Variants in DBX2 observed in about 807,000 individuals in gnomAD.
The protein encoded by DBX2 is developing brain homeobox 2.
A neutral mutation model predicts 17.7 loss-of-function variants in DBX2; 16 were observed. That is an observed-to-expected ratio of 0.90 (90% CI 0.61 to 1.37). The LOEUF (loss-of-function observed/expected upper bound fraction) is 1.37, where lower values mean the gene tolerates loss of function less well. DBX2 is among the 40% of genes most tolerant of loss of function. The probability of loss-of-function intolerance (pLI) is 0.00; values close to 1 mark genes in which losing one functional copy is unlikely to be tolerated. For missense variants in DBX2, 538 were observed against 433.8 expected, an observed-to-expected ratio of 1.24 and a Z score of -2.13; for synonymous variants, 255 against 183.8, an observed-to-expected ratio of 1.39 and a Z score of -3.13.
intron 1 of DBX2, among the ~76,000 whole-genome samples, chr12:45,046,745 G>T (rs901139726): frequency 2.6e-5 from 4 of 152,144 alleles, no homozygotes; most frequent in Non-Finnish European, 4.4e-5. Flanking sequence ...AACAGTACTT[G>T]GGATTGGGAG....
chr12:45,048,120 GTA>G (rs1946509575), intron 1 of DBX2, among the ~76,000 whole-genome samples: 1 of 152,040 alleles, frequency 6.6e-6, no homozygotes, highest in African/African-American at 2.4e-5. Flanking sequence ...TTAATAGTAG[GTA>G]ACAAAAAATA....
chr12:45,040,787 T>C (rs1377839866), intron 1 of DBX2, among the ~76,000 whole-genome samples: 1 of 152,178 alleles, frequency 6.6e-6, no homozygotes, highest in African/African-American at 2.4e-5. Flanking sequence ...AACAATAATT[T>C]TTTAAATTGT....
At chr12:45,031,225 T>TGTATGTGAGA (rs1377897653) in intron 2 of DBX2, among the ~76,000 whole-genome samples, 1 of 85,624 alleles carries the variant, frequency 1.2e-5, no homozygotes. Context: ...TGTGTGTGTG[T>TGTATGTGAGA]GAGAGAGAGA....
At chr12:45,028,154 C>T (rs925813447) in intron 2 of DBX2, among the ~76,000 whole-genome samples, 9 of 152,198 alleles carry the variant, frequency 5.9e-5, no homozygotes, top group Non-Finnish European at 1.3e-4. Context: ...ATCTAAGAAT[C>T]TCACACAACC....
chr12:45,027,101 T>C (rs2137022113), intron 2 of DBX2, among the ~76,000 whole-genome samples: 1 of 152,370 alleles, frequency 6.6e-6, no homozygotes, highest in Non-Finnish European at 1.5e-5. Flanking sequence ...GGTTTGGATA[T>C]CAGCCCTTAC....
At chr12:45,050,500 G>A (rs1012458212) in intron 1 of DBX2, 25 bp downstream of exon 1, 1 of 1,546,034 alleles carries the variant, frequency 6.5e-7, no homozygotes, top group South Asian at 1.2e-5. Context: ...GGCGCGGCTG[G>A]GGAGGGAGGG....
chr12:45,034,459 GAC>G (rs1946424646), intron 2 of DBX2, among the ~76,000 whole-genome samples: 1 of 152,152 alleles, frequency 6.6e-6, no homozygotes, highest in Non-Finnish European at 1.5e-5. Context: ...CCTCACAGGA[GAC>G]CACCTTGAAG....
intron 1 of DBX2, among the ~76,000 whole-genome samples, chr12:45,038,302 T>C (rs1946450962): frequency 6.8e-6 from 1 of 146,718 alleles, no homozygotes; most frequent in Non-Finnish European, 1.5e-5. Flanking sequence ...TTTGTTGTTA[T>C]TGTTGTTGTC....
chr12:45,020,662 T>C (rs781422392), intron 3 of DBX2, among the ~76,000 whole-genome samples: 3 of 90,392 alleles, frequency 3.3e-5, no homozygotes, highest in Non-Finnish European at 6.4e-5. Flanking sequence ...TATGTATGTA[T>C]ATGTATATAT....
chr12:45,037,297 T>C (rs767189313), intron 1 of DBX2, among the ~76,000 whole-genome samples: 12 of 152,172 alleles, frequency 7.9e-5, no homozygotes, highest in Non-Finnish European at 1.0e-4. Context: ...TAGGTGGAGA[T>C]TGCCTAAAGT....
chr12:45,041,576 C>A (rs1946471513), intron 1 of DBX2, among the ~76,000 whole-genome samples: 1 of 152,166 alleles, frequency 6.6e-6, no homozygotes, highest in Non-Finnish European at 1.5e-5. Context: ...CTTTACTTTT[C>A]TGTTTATCAG....
At chr12:45,035,962 C>T (rs1946437777) in intron 2 of DBX2, 57 bp downstream of exon 2, 1 of 1,514,824 alleles carries the variant, frequency 6.6e-7, no homozygotes, top group African/African-American at 1.4e-5. Context: ...ACATTAAATC[C>T]TGCAGCTTTG....
At chr12:45,029,306 G>A (rs115468815) in intron 2 of DBX2, among the ~76,000 whole-genome samples, 1,585 of 152,224 alleles carry the variant, frequency 0.01, 22 homozygotes, top group African/African-American at 0.036. Flanking sequence ...CATATATTGG[G>A]GCTTACATGT....
At chr12:45,039,482 T>C (rs1258954630) in intron 1 of DBX2, among the ~76,000 whole-genome samples, 1 of 151,494 alleles carries the variant, frequency 6.6e-6, no homozygotes, top group African/African-American at 2.4e-5. Flanking sequence ...AAAAGGTAAT[T>C]TGATCCTAGA....
chr12:45,024,027 C>T (rs1184402627), intron 2 of DBX2, 133 bp from the exon 3 acceptor site: 7 of 842,802 alleles, frequency 8.3e-6, no homozygotes, highest in Non-Finnish European at 1.2e-5. Flanking sequence ...TCACTTAAAG[C>T]AGTACTTCCT....
intron 1 of DBX2, among the ~76,000 whole-genome samples, chr12:45,048,653 T>C (rs1946512890): frequency 6.6e-6 from 1 of 152,226 alleles, no homozygotes; most frequent in South Asian, 2.1e-4. Flanking sequence ...TTCTGGTTTT[T>C]AAGCAGCATA....
At chr12:45,030,036 T>G (rs1946401281) in intron 2 of DBX2, among the ~76,000 whole-genome samples, 1 of 151,988 alleles carries the variant, frequency 6.6e-6, no homozygotes, top group Admixed American at 6.6e-5. Context: ...CAGCCCTGTA[T>G]GAAGGGCCCA....
At chr12:45,030,033 G>A (rs546982862) in intron 2 of DBX2, among the ~76,000 whole-genome samples, 124 of 152,084 alleles carry the variant, frequency 8.2e-4, no homozygotes, top group African/African-American at 2.9e-3. Context: ...CAGCAGCCCT[G>A]TATGAAGGGC....
intron 3 of DBX2, among the ~76,000 whole-genome samples, chr12:45,023,199 T>C (rs958400000): frequency 3.9e-5 from 6 of 152,206 alleles, no homozygotes; most frequent in Admixed American, 1.3e-4. Flanking sequence ...ATTGCTTAAT[T>C]GGACTTGACA....
Sources: allele counts gnomAD v4.1 joint callset (sites outside exome capture counted in the v4.1 genomes callset), GRCh38; gene constraint gnomAD v4.1.1; transcripts MANE v1.5; gene names NCBI Gene and HGNC (gene_info 2026-07-23, HGNC 2026-07-21).